Variants in DDX23 observed in about 807,000 individuals in gnomAD.
The protein encoded by DDX23 is probable ATP-dependent RNA helicase DDX23.
DDX23 carries 33 observed loss-of-function variants against 102.7 expected under a neutral mutation model. The ratio of observed to expected loss-of-function variants is 0.32; its 90% CI spans 0.24 to 0.43. The LOEUF is 0.43. DDX23 is among the 20% of genes least tolerant of loss of function. DDX23 has a pLI of 1.00. For synonymous variants in DDX23, 352 were observed against 376.0 expected, an observed-to-expected ratio of 0.94 and a Z score of 0.74; for missense variants, 549 against 1,086.6, an observed-to-expected ratio of 0.51 and a Z score of 6.96.
chr12:48,841,124 G>A (rs1317098076), intron 3 of DDX23, among the ~76,000 whole-genome samples: 1 of 151,998 alleles, frequency 6.6e-6, no homozygotes, highest in South Asian at 2.1e-4. Context: ...AATGGCTCAC[G>A]CCTGTAATCC....
chr12:48,830,602 T>C lies in DDX23; in HGVS notation c.2330A>G (p.Tyr777Cys), dbSNP rs1938370807. The C allele has an allele frequency of 6.2e-7, 1 of 1,614,118 alleles. No homozygotes were observed. Among genetic ancestry groups the C allele is most frequent in the Non-Finnish European group, 8.5e-7 (1 of 1,180,040 alleles). The change falls in exon 17 of 17, where the codon TAC (tyrosine) becomes TGC (cysteine). Residue 777 changes from tyrosine (Y) to cysteine (C), a missense_variant. Tyr to Cys is a radical substitution (Grantham distance 194, BLOSUM62 -2). This residue lies in a region of DDX23 where 38 missense variants were observed against 94.5 expected (regional missense o/e 0.40). Transcript: ENST00000308025. The surrounding 1 kb of genome is among the most constrained non-coding windows in gnomAD (Gnocchi z 4.9). ...FLTKEDSAVF[Y>C]ELKQAILESP... is the part of the protein sequence containing the mutation. Reference sequence around the variant, plus strand: ...TTCCAGGATAGCTTGCTTCAGCTCGTAGAACACAGCAGAGTCCTCTTTTGT... The same window carrying C: ...TTCCAGGATAGCTTGCTTCAGCTCGCAGAACACAGCAGAGTCCTCTTTTGT...
intron 15 of DDX23, chr12:48,831,863 G>C: frequency 1.7e-6 from 1 of 581,158 alleles, no homozygotes. Context: ...ACCCAAGGCA[G>C]CTTTGGCTGG....
intron 1 of DDX23, among the ~76,000 whole-genome samples, chr12:48,846,393 C>T (rs888097833): frequency 6.6e-6 from 1 of 152,254 alleles, no homozygotes; most frequent in South Asian, 2.1e-4. Context: ...TAGAAACATC[C>T]TATATTGCTT....
At chr12:48,846,131 G>T (rs1938662791) in intron 1 of DDX23, among the ~76,000 whole-genome samples, 2 of 129,896 alleles carry the variant, frequency 1.5e-5, no homozygotes, top group Admixed American at 1.5e-4. Context: ...GCCTTGCCTA[G>T]CTAATTTATT....
intron 1 of DDX23, among the ~76,000 whole-genome samples, chr12:48,848,298 A>T (rs902905153): frequency 6.6e-6 from 1 of 150,690 alleles, no homozygotes; most frequent in Non-Finnish European, 1.5e-5. Context: ...AAACAAAACA[A>T]AACAAAAAAC....
chr12:48,838,439 A>G (rs144410490), intron 5 of DDX23, among the ~76,000 whole-genome samples: 1 of 152,178 alleles, frequency 6.6e-6, no homozygotes, highest in East Asian at 1.9e-4. Flanking sequence ...AGTCCCAGCT[A>G]CTCAGGAGGC....
At chr12:48,851,905 C>T (rs1358659282) in intron 1 of DDX23, among the ~76,000 whole-genome samples, 179 bp downstream of exon 1, 1 of 152,236 alleles carries the variant, frequency 6.6e-6, no homozygotes, top group Non-Finnish European at 1.5e-5. Flanking sequence ...CCCGGAGGAG[C>T]CAACACTACC....
At chr12:48,837,835 T>A in intron 6 of DDX23, 107 bp downstream of exon 6, 1 of 1,558,216 alleles carries the variant, frequency 6.4e-7, no homozygotes, top group Non-Finnish European at 8.7e-7. Flanking sequence ...ATCCTTCCCC[T>A]TTCCAAACTC....
chr12:48,848,357 A>T (rs1017441921), intron 1 of DDX23, among the ~76,000 whole-genome samples: 2 of 152,158 alleles, frequency 1.3e-5, no homozygotes, highest in Non-Finnish European at 2.9e-5. Context: ...CTTAAATTCT[A>T]GTGTAGCGGA....
At chr12:48,850,424 AAT>A (rs1228292356) in intron 1 of DDX23, among the ~76,000 whole-genome samples, 2 of 152,232 alleles carry the variant, frequency 1.3e-5, no homozygotes, top group African/African-American at 4.8e-5. Flanking sequence ...TGAGTGTGAG[AAT>A]ATCTGTGGAG....
Position 48,839,927 on chromosome 12 carries a change from C to A in DDX23, c.415-18G>T. 6.2e-7 allele frequency: 1 copy of A among 1,614,120 alleles called. No individual in the cohort carries two copies. Among genetic ancestry groups the A allele is most frequent in the Non-Finnish European group, 8.5e-7 (1 of 1,179,990 alleles). ...GGCTGGGCCTGAAGATAAAACAGAACTTTAGTCTATAAAGGCTCTCTCCCT... is the reference window on the plus strand; with the variant it reads ...GGCTGGGCCTGAAGATAAAACAGAAATTTAGTCTATAAAGGCTCTCTCCCT... On this transcript the variant is annotated intron_variant, in intron 4 of 16. Transcript: ENST00000308025.
chr12:48,834,587 G>T, intron 11 of DDX23, 90 bp from the exon 12 acceptor site: 1 of 1,247,906 alleles, frequency 8.0e-7, no homozygotes, highest in Non-Finnish European at 1.1e-6. Context: ...CTTACGGGGA[G>T]CAATGGGAAT....
In DDX23 at chr12:48,836,519, A is replaced by G; in HGVS notation, c.1236+50T>C. On this transcript the variant is annotated intron_variant, in intron 10 of 16. Coordinates refer to ENST00000308025, the MANE Select transcript of DDX23 (RefSeq NM_004818.3). This position sits in a 1 kb window ranked among gnomAD's most constrained non-coding sequence, Gnocchi z 6.1. Reference sequence around the variant, plus strand: ...AAGGAACAAAGTTCTCTATTCCCAAACTAGTGTAGGAACATGTCAGATCTC... The same window carrying G: ...AAGGAACAAAGTTCTCTATTCCCAAGCTAGTGTAGGAACATGTCAGATCTC... 6.4e-7 allele frequency: 1 copy of G among 1,562,644 alleles called. No individual in the cohort carries two copies. The highest frequency in any genetic ancestry group is 8.8e-7 in the Non-Finnish European group (1 of 1,138,458).
chr12:48,831,603 T>C (rs1938387702), intron 15 of DDX23, among the ~76,000 whole-genome samples: 1 of 151,918 alleles, frequency 6.6e-6, no homozygotes, highest in Admixed American at 6.6e-5. Context: ...CAAAGAGAAT[T>C]AGGGGCGAGA....
intron 12 of DDX23, 105 bp from the exon 13 acceptor site, chr12:48,833,624 T>A: frequency 7.1e-7 from 1 of 1,408,304 alleles, no homozygotes; most frequent in Non-Finnish European, 9.6e-7. Context: ...GCTGAGGAAC[T>A]TGGACCCCAA....
intron 5 of DDX23, 35 bp from the exon 6 acceptor site, chr12:48,838,115 T>TG (rs762588838): frequency 4.3e-6 from 7 of 1,613,110 alleles, no homozygotes; most frequent in Non-Finnish European, 2.5e-6. Context: ...ACAAAGGATC[T>TG]GGGAGCAGGG....
At position 48,850,911 on chromosome 12, in the gene DDX23, GAGA is replaced by G. The variant is rs1165872109; in HGVS notation, c.-1+1170_-1+1172del. On this transcript the variant is annotated intron_variant, in intron 1 of 16. Transcript: ENST00000308025. ...ATGAGTTTGGAAGAGAATGAAAAATGAGAAGAAGACAGTAAATACAGGCAACTT... is the reference window on the plus strand; with the variant it reads ...ATGAGTTTGGAAGAGAATGAAAAATGAGAAGACAGTAAATACAGGCAACTT... Among the ~76,000 whole-genome samples, 6 of 152,180 alleles carry G rather than the reference GAGA, an allele frequency of 3.9e-5. No homozygotes were observed. In the South Asian group the frequency reaches 6.2e-4, roughly 16 times the overall value.
intron 5 of DDX23, 43 bp from the exon 6 acceptor site, chr12:48,838,123 G>GATCT: frequency 6.2e-7 from 1 of 1,611,220 alleles, no homozygotes; most frequent in East Asian, 2.2e-5. Context: ...TCTGGGAGCA[G>GATCT]GGTACAATCA....
At chr12:48,845,403 T>C (rs1231547008) in intron 2 of DDX23, among the ~76,000 whole-genome samples, 171 bp downstream of exon 2, 1 of 152,030 alleles carries the variant, frequency 6.6e-6, no homozygotes, top group African/African-American at 2.4e-5. Flanking sequence ...TGCAGTGAGC[T>C]GAGATCGCAC....
Sources: allele counts gnomAD v4.1 joint callset (sites outside exome capture counted in the v4.1 genomes callset), GRCh38; gene constraint gnomAD v4.1.1; regional missense constraint gnomAD v4.1.1; non-coding constraint Gnocchi (gnomAD v3.1); transcripts MANE v1.5; gene names NCBI Gene and HGNC (gene_info 2026-07-23, HGNC 2026-07-21).